Variants in TMEM86A observed in about 807,000 individuals in gnomAD.
TMEM86A encodes the protein transmembrane protein 86A, also known as lysoplasmalogenase TMEM86A.
Under a neutral mutation model 19.8 loss-of-function variants are expected in TMEM86A, and 13 were observed. The observed-to-expected ratio is 0.66, with a 90% CI of 0.43 to 1.04. The LOEUF is 1.04. Among genes scored for constraint, TMEM86A ranks in the 50% least tolerant of loss-of-function variants. The pLI is 0.00. For synonymous variants in TMEM86A, 128 were observed against 129.9 expected, an observed-to-expected ratio of 0.99 and a Z score of 0.10; for missense variants, 248 against 306.8, an observed-to-expected ratio of 0.81 and a Z score of 1.43.
At position 18,701,636 on chromosome 11, in the gene TMEM86A, C is replaced by T; in HGVS notation, c.350C>T (p.Ala117Val). 1 of 1,598,170 alleles carries T rather than the reference C, an allele frequency of 6.3e-7. No homozygotes were observed. The highest frequency in any genetic ancestry group is 8.5e-7 in the Non-Finnish European group (1 of 1,169,646). Residue 117 changes from alanine (A) to valine (V), a missense_variant, in exon 3 of 3, where the codon GCT becomes GTT. Ala to Val is a moderately conservative substitution (Grantham distance 64). Transcript: ENST00000280734. The surrounding 1 kb of genome is among the most constrained non-coding windows in gnomAD (Gnocchi z 5.3). ...TCGGCCTTTGGCATGCAGCCACTGG[C>T]TCTTCGGACAGGTCTGGTGATGGCA... ...YASAFGMQPL[A>V]LRTGLVMAAL... is the part of the protein sequence containing the mutation.
In TMEM86A at chr11:18,702,984, CA is replaced by C. The variant is rs1848165453; in HGVS notation, c.*977del. Reference sequence around the variant, plus strand: ...CTCCTTGTCCCTCCTACACTAGGAGCAAGAGGAGGGGGCTCCAATGACACTC... The same window carrying C: ...CTCCTTGTCCCTCCTACACTAGGAGCAGAGGAGGGGGCTCCAATGACACTC... On this transcript the variant is annotated 3_prime_UTR_variant, in exon 3 of 3. Coordinates refer to ENST00000280734, the MANE Select transcript of TMEM86A (RefSeq NM_153347.3). 6.5e-6 allele frequency: 1 copy of C among 152,696 alleles called. No homozygotes were observed. The highest frequency in any genetic ancestry group is 2.4e-5 in the African/African-American group (1 of 41,440). The allele number at this position is 152,696 out of a possible 1,614,324, so 9.5% of individuals were successfully genotyped here.
Position 18,698,815 on chromosome 11 carries a change from G to T in TMEM86A, c.-72G>T. 1.5e-6 allele frequency: 1 copy of T among 656,558 alleles called. No homozygotes were observed. The highest frequency in any genetic ancestry group is 1.6e-5 in the South Asian group (1 of 63,332). 40.7% of individuals were successfully genotyped at this position (656,558 alleles called of 1,614,324 possible). ...CTCCGGGCTTTGTAGAATCGTCGCC[G>T]GCTTACCTGGCCGTGGGCGCGTCCT... On this transcript the variant is annotated 5_prime_UTR_variant, in exon 1 of 3. Transcript: ENST00000280734.
In TMEM86A at chr11:18,701,646, A is replaced by G. The variant is rs1443639259; in HGVS notation, c.360A>G (p.Thr120=). 6.2e-7 allele frequency: 1 copy of G among 1,602,948 alleles called. No homozygotes were observed. The highest frequency in any genetic ancestry group is 8.5e-7 in the Non-Finnish European group (1 of 1,172,334). ...GCATGCAGCCACTGGCTCTTCGGACAGGTCTGGTGATGGCAGCGCTGTCGG... is the reference window on the plus strand; with the variant it reads ...GCATGCAGCCACTGGCTCTTCGGACGGGTCTGGTGATGGCAGCGCTGTCGG... ...AFGMQPLALR[T]GLVMAALSGL... Residue 120 remains threonine, a synonymous_variant, in exon 3 of 3, where the codon ACA becomes ACG. Coordinates refer to ENST00000280734, the MANE Select transcript of TMEM86A (RefSeq NM_153347.3). The surrounding 1 kb of genome is among the most constrained non-coding windows in gnomAD (Gnocchi z 5.3).
rs1848180045 is a variant in TMEM86A, at chr11:18,704,345, A to G, written c.*2336A>G. The G allele has an allele frequency of 4.3e-6, 3 of 694,424 alleles. No homozygotes were observed. Among genetic ancestry groups the G allele is most frequent in the East Asian group, 2.7e-5 (1 of 36,712 alleles). The allele number at this position is 694,424 out of a possible 1,614,324, so 43.0% of individuals were successfully genotyped here. ...GTTACGTTTATTGCCCCATCCCTTCACTGAATGTTTACATTAACAAACACC... is the reference window on the plus strand; with the variant it reads ...GTTACGTTTATTGCCCCATCCCTTCGCTGAATGTTTACATTAACAAACACC... On this transcript the variant is annotated 3_prime_UTR_variant, in exon 3 of 3. Transcript: ENST00000280734.
rs1848155007 is a variant in TMEM86A at position 18,701,938 on chromosome 11, A to G, written c.652A>G (p.Met218Val). The change falls in exon 3 of 3, where the codon ATG becomes GTG. Residue 218 changes from methionine (M) to valine (V), a missense_variant. Coordinates refer to ENST00000280734, the MANE Select transcript of TMEM86A (RefSeq NM_153347.3). This position sits in a 1 kb window ranked among gnomAD's most constrained non-coding sequence, Gnocchi z 5.3. The stretch of plus-strand genomic sequence containing the variant: ...CATGTCCACCTACTATGTGGCCCAG[A>G]TGCTCGTCGCCTTGTCAGCTGTCGA... Reference protein sequence around the residue: ...LIMSTYYVAQMLVALSAVESR... With the variant: ...LIMSTYYVAQVLVALSAVESR... 1 of 1,613,456 alleles carries G rather than the reference A, an allele frequency of 6.2e-7. No homozygotes were observed. The highest frequency in any genetic ancestry group is 1.3e-5 in the African/African-American group (1 of 74,896).
In TMEM86A at chr11:18,701,727, G is replaced by A; in HGVS notation, c.441G>A (p.Val147=). The A allele has an allele frequency of 6.2e-7, 1 of 1,614,148 alleles. No individual in the cohort carries two copies. Among genetic ancestry groups the A allele is most frequent in the Non-Finnish European group, 8.5e-7 (1 of 1,180,036 alleles). The change falls in exon 3 of 3, where the codon GTG becomes GTA. Residue 147 remains valine, a synonymous_variant. Transcript: ENST00000280734. This position sits in a 1 kb window ranked among gnomAD's most constrained non-coding sequence, Gnocchi z 5.3. ...TCTCAGGTGCCTTCACCTACCTGGT[G>A]GGGGTCTATGTGGCCCTTATCGGCT... is the stretch of plus-strand genomic sequence containing the variant. The part of the protein sequence containing the change: ...PCLSGAFTYL[V]GVYVALIGFM...
Position 18,699,628 on chromosome 11 carries a change from G to A in TMEM86A, c.21+721G>A, listed in dbSNP as rs191073529. 3.5e-3 allele frequency among the ~76,000 whole-genome samples: 538 copies of A among 152,234 alleles called. 3 individuals carry two copies. Among genetic ancestry groups the A allele is most frequent in the African/African-American group, 0.012 (512 of 41,540 alleles). ...TGGCAGGTGGTTGCTGGGCATTGTG[G>A]GCCTGGGCATCCCCTCCAGCCGCCT... On this transcript the variant is annotated intron_variant, in intron 1 of 2. Coordinates refer to ENST00000280734, the MANE Select transcript of TMEM86A (RefSeq NM_153347.3). The surrounding 1 kb of genome is among the most constrained non-coding windows in gnomAD (Gnocchi z 4.0).
chr11:18,698,817 C>T lies in TMEM86A; in HGVS notation c.-70C>T, dbSNP rs1848124416. The T allele has an allele frequency of 1.5e-6, 1 of 657,408 alleles. No homozygotes were observed. Among genetic ancestry groups the T allele is most frequent in the South Asian group, 1.6e-5 (1 of 63,396 alleles). 40.7% of individuals were successfully genotyped at this position (657,408 alleles called of 1,614,324 possible). ...CCGGGCTTTGTAGAATCGTCGCCGGCTTACCTGGCCGTGGGCGCGTCCTGG... is the reference window on the plus strand; with the variant it reads ...CCGGGCTTTGTAGAATCGTCGCCGGTTTACCTGGCCGTGGGCGCGTCCTGG... On this transcript the variant is annotated 5_prime_UTR_variant, in exon 1 of 3. Transcript: ENST00000280734.
rs1397919718 is a variant in TMEM86A, at chr11:18,703,791, C to G, written c.*1782C>G. On this transcript the variant is annotated 3_prime_UTR_variant, in exon 3 of 3. Coordinates refer to ENST00000280734, the MANE Select transcript of TMEM86A (RefSeq NM_153347.3). The stretch of plus-strand genomic sequence containing the variant: ...TCAGTGATTTCCAAATTAGTTTTTA[C>G]AGAGATTCCTGGTAAGGGGGTAGTG... 1 of 152,142 alleles carries G rather than the reference C, an allele frequency of 6.6e-6. No homozygotes were observed. Among genetic ancestry groups the G allele is most frequent in the African/African-American group, 2.4e-5 (1 of 41,422 alleles). 9.4% of individuals were successfully genotyped at this position (152,142 alleles called of 1,614,324 possible).
At chr11:18,700,751 C>T (rs1412268597) in intron 1 of TMEM86A, 182 bp from the exon 2 acceptor site, 2 of 799,144 alleles carry the variant, frequency 2.5e-6, no homozygotes, top group South Asian at 1.8e-5. Context: ...ATGGGTTTGG[C>T]CACAACCTGC....
chr11:18,701,216 T>C lies in TMEM86A; in HGVS notation c.286+19T>C. 1 of 1,609,958 alleles carries C rather than the reference T, an allele frequency of 6.2e-7. No homozygotes were observed. The highest frequency in any genetic ancestry group is 2.2e-5 in the East Asian group (1 of 44,812). ...GTGCATGGTCAGTGGCCATAGTAGT[T>C]GCCTGGGAGGAGTCCTGGGGCTGGG... On this transcript the variant is annotated intron_variant, in intron 2 of 2. Transcript: ENST00000280734. The surrounding 1 kb of genome is among the most constrained non-coding windows in gnomAD (Gnocchi z 5.3).
At position 18,701,490 on chromosome 11, in the gene TMEM86A, C is replaced by T. The variant is rs997852707; in HGVS notation, c.287-83C>T. On this transcript the variant is annotated intron_variant, in intron 2 of 2. Coordinates refer to ENST00000280734, the MANE Select transcript of TMEM86A (RefSeq NM_153347.3). This position sits in a 1 kb window ranked among gnomAD's most constrained non-coding sequence, Gnocchi z 5.3. ...GGTTATCCCAAACACTCCACTCCAT[C>T]GCCACATCCATCCCTACCCCCACCC... 20 of 1,412,204 alleles carry T rather than the reference C, an allele frequency of 1.4e-5. No individual in the cohort carries two copies. Among genetic ancestry groups the T allele is most frequent in the African/African-American group, 2.9e-5 (2 of 69,552 alleles). The allele number at this position is 1,412,204 out of a possible 1,614,324, so 87.5% of individuals were successfully genotyped here.
intron 1 of TMEM86A, 200 bp from the exon 2 acceptor site, chr11:18,700,733 G>C (rs1848141728): frequency 4.5e-6 from 3 of 659,774 alleles, no homozygotes; most frequent in Admixed American, 2.9e-5. Flanking sequence ...CTGAGCCTCA[G>C]GGCAGTAATG....
rs1181516615 is a variant in TMEM86A at position 18,701,925 on chromosome 11, C to T, written c.639C>T (p.Tyr213=). The T allele has an allele frequency of 1.1e-5, 18 of 1,613,968 alleles. No homozygotes were observed. Among genetic ancestry groups the T allele is most frequent in the Middle Eastern group, 3.3e-4 (2 of 6,062 alleles). ...CTCGGGCGCTTATCATGTCCACCTA[C>T]TATGTGGCCCAGATGCTCGTCGCCT... ...PYSRALIMST[Y]YVAQMLVALS... is the part of the protein sequence containing the mutation. Residue 213 remains tyrosine, a synonymous_variant, in exon 3 of 3, where the codon TAC becomes TAT. Coordinates refer to ENST00000280734, the MANE Select transcript of TMEM86A (RefSeq NM_153347.3). This position sits in a 1 kb window ranked among gnomAD's most constrained non-coding sequence, Gnocchi z 5.3.
In TMEM86A at chr11:18,701,641, C is replaced by A; in HGVS notation, c.355C>A (p.Arg119=). 6.2e-7 allele frequency: 1 copy of A among 1,600,274 alleles called. No individual in the cohort carries two copies. Among genetic ancestry groups the A allele is most frequent in the South Asian group, 1.1e-5 (1 of 89,970 alleles). Residue 119 remains arginine, a synonymous_variant, in exon 3 of 3, where the codon CGG becomes AGG. Transcript: ENST00000280734. The surrounding 1 kb of genome is among the most constrained non-coding windows in gnomAD (Gnocchi z 5.3). The part of the protein sequence containing the change: ...SAFGMQPLAL[R]TGLVMAALSG... ...CTTTGGCATGCAGCCACTGGCTCTT[C>A]GGACAGGTCTGGTGATGGCAGCGCT...
chr11:18,704,489 C>T lies in TMEM86A; in HGVS notation c.*2480C>T, dbSNP rs1245604894. On this transcript the variant is annotated 3_prime_UTR_variant, in exon 3 of 3. Transcript: ENST00000280734. ...GAGCTCACATGAGGTGCTTTGATTT[C>T]TTCTGCAGACTCTCGGTGATGGATG... The T allele has an allele frequency of 1.3e-6, 2 of 1,551,044 alleles. No individual in the cohort carries two copies. The highest frequency in any genetic ancestry group is 4.9e-5 in the East Asian group (2 of 40,888).
At position 18,703,065 on chromosome 11, in the gene TMEM86A, CTCCATCTTCTGCTGCCCA is replaced by C. The variant is rs1283066096; in HGVS notation, c.*1058_*1075del. On this transcript the variant is annotated 3_prime_UTR_variant, in exon 3 of 3. Transcript: ENST00000280734. ...TGCAAGGGGAGCAAGGATGGGACAA[CTCCATCTTCTGCTGCCCA>C]TGTGAAAAATAATAAAAATCAAGAG... is the stretch of plus-strand genomic sequence containing the variant. 1 of 152,714 alleles carries C rather than the reference CTCCATCTTCTGCTGCCCA, an allele frequency of 6.5e-6. No homozygotes were observed. The highest frequency in any genetic ancestry group is 2.4e-5 in the African/African-American group (1 of 41,470). 9.5% of individuals were successfully genotyped at this position (152,714 alleles called of 1,614,324 possible). A position where few individuals can be genotyped will look rare whatever the true frequency, so the allele number is the denominator to read the frequency against.
At chr11:18,700,786 G>C (rs1206676519) in intron 1 of TMEM86A, 147 bp from the exon 2 acceptor site, 2 of 1,141,762 alleles carry the variant, frequency 1.8e-6, no homozygotes, top group Non-Finnish European at 2.5e-6. Flanking sequence ...AGGCCAGGCT[G>C]GGTTTCTCTG....
chr11:18,702,370 T>G lies in TMEM86A; in HGVS notation c.*361T>G. ...TGGAAGAGTCTGACTCCATGTGTTATGCCTAGGACCAATGGCAGTGCTGGG... is the reference window on the plus strand; with the variant it reads ...TGGAAGAGTCTGACTCCATGTGTTAGGCCTAGGACCAATGGCAGTGCTGGG... On this transcript the variant is annotated 3_prime_UTR_variant, in exon 3 of 3. Transcript: ENST00000280734. The G allele has an allele frequency of 3.4e-6, 1 of 298,494 alleles. No homozygotes were observed. Among genetic ancestry groups the G allele is most frequent in the Non-Finnish European group, 6.5e-6 (1 of 154,800 alleles). 18.5% of individuals were successfully genotyped at this position (298,494 alleles called of 1,614,324 possible).
Sources: allele counts gnomAD v4.1 joint callset (sites outside exome capture counted in the v4.1 genomes callset), GRCh38; gene constraint gnomAD v4.1.1; non-coding constraint Gnocchi (gnomAD v3.1); transcripts MANE v1.5; gene names NCBI Gene and HGNC (gene_info 2026-07-23, HGNC 2026-07-21).